The following CHD7 variants were observed in gnomAD, a reference collection of about 807,000 sequenced individuals.
CHD7 encodes the protein chromodomain helicase DNA binding protein 7.
Under a neutral mutation model 307.3 loss-of-function variants are expected in CHD7, and 24 were observed. The observed-to-expected ratio is 0.08, with a 90% CI of 0.06 to 0.11. The LOEUF (loss-of-function observed/expected upper bound fraction) is 0.11, where lower values mean the gene tolerates loss of function less well. CHD7 is among the 10% of genes least tolerant of loss of function. CHD7 has a pLI of 1.00. For synonymous variants in CHD7, 1,363 were observed against 1,349.9 expected (o/e 1.01, Z -0.21); for missense variants, 3,106 against 3,727.1 (o/e 0.83, Z 4.34).
At chr8:60,685,105 G>T (rs942151010) in intron 1 of CHD7, among the ~76,000 whole-genome samples, 4 of 152,206 alleles carry the variant, frequency 2.6e-5, no homozygotes, top group African/African-American at 9.7e-5. Context: ...ATCTGCTGAA[G>T]ATTTGAGAAG....
chr8:60,695,114 A>G (rs1451825917), intron 1 of CHD7, among the ~76,000 whole-genome samples: 1 of 152,176 alleles, frequency 6.6e-6, no homozygotes, highest in Non-Finnish European at 1.5e-5. Flanking sequence ...AGAATAGCTT[A>G]GAAAGCCTCC....
At chr8:60,733,256 T>C (rs1353459099) in intron 1 of CHD7, among the ~76,000 whole-genome samples, 2 of 151,062 alleles carry the variant, frequency 1.3e-5, no homozygotes, top group Non-Finnish European at 3.0e-5. Context: ...AAAAAAGATA[T>C]GGGATAGATA....
At chr8:60,779,084 A>G (rs558774555) in intron 2 of CHD7, among the ~76,000 whole-genome samples, 52 of 152,300 alleles carry the variant, frequency 3.4e-4, no homozygotes, top group African/African-American at 1.2e-3. Flanking sequence ...TCCCTTAGCT[A>G]TGACCAGCAA....
chr8:60,679,322 G>T (rs1321486482), intron 1 of CHD7, among the ~76,000 whole-genome samples: 1 of 146,118 alleles, frequency 6.8e-6, no homozygotes, highest in Non-Finnish European at 1.5e-5. Context: ...CGCCCCGAGC[G>T]CCGCCCGGCG....
intron 1 of CHD7, among the ~76,000 whole-genome samples, chr8:60,714,087 C>A (rs1442875094): frequency 7.0e-6 from 1 of 143,814 alleles, no homozygotes; most frequent in Non-Finnish European, 1.5e-5. Context: ...AGCCAGGCCT[C>A]GGCGGGCGGG....
At chr8:60,793,727 T>G (rs1326501404) in intron 3 of CHD7, among the ~76,000 whole-genome samples, 1 of 152,202 alleles carries the variant, frequency 6.6e-6, no homozygotes, top group Admixed American at 6.5e-5. Flanking sequence ...TTTCACAATT[T>G]ATTGGAATTT....
chr8:60,851,414 T>G lies in CHD7; in HGVS notation c.5665+95T>G, dbSNP rs1007785422. 59 of 865,250 alleles carry G rather than the reference T, an allele frequency of 6.8e-5. 1 individual carries two copies. The African/African-American group carries it at 8.4e-4, about 12-fold the overall frequency. The allele number at this position is 865,250 out of a possible 1,614,324, so 53.6% of individuals were successfully genotyped here. On this transcript the variant is annotated intron_variant, in intron 28 of 37. Coordinates refer to ENST00000423902, the MANE Select transcript of CHD7 (RefSeq NM_017780.4). ...ACTGTCCTGCTTCATGACAGCAGTGTCTTAACACCTTATTTCTTCTACACT... is the reference window on the plus strand; with the variant it reads ...ACTGTCCTGCTTCATGACAGCAGTGGCTTAACACCTTATTTCTTCTACACT...
chr8:60,734,638 G>A (rs916737353), intron 1 of CHD7, among the ~76,000 whole-genome samples: 2 of 152,186 alleles, frequency 1.3e-5, no homozygotes, highest in Non-Finnish European at 2.9e-5. Context: ...GTGTGAAGGC[G>A]AGGAAGGTAT....
chr8:60,762,737 A>G (rs1322233648), intron 2 of CHD7, among the ~76,000 whole-genome samples: 2 of 152,176 alleles, frequency 1.3e-5, no homozygotes, highest in Non-Finnish European at 2.9e-5. Flanking sequence ...GAGTGAGGTC[A>G]GGGTTCCTGT....
At chr8:60,685,374 A>G (rs1244378943) in intron 1 of CHD7, among the ~76,000 whole-genome samples, 1 of 152,236 alleles carries the variant, frequency 6.6e-6, no homozygotes, top group Non-Finnish European at 1.5e-5. Context: ...AGCACTTTGT[A>G]GGAGTTTGCT....
At chr8:60,838,806 G>T (rs1436412299) in intron 19 of CHD7, among the ~76,000 whole-genome samples, 1 of 152,126 alleles carries the variant, frequency 6.6e-6, no homozygotes, top group African/African-American at 2.4e-5. Context: ...TCTGGCCAGG[G>T]TCACCACTGA....
intron 2 of CHD7, among the ~76,000 whole-genome samples, chr8:60,768,462 T>C (rs946670366): frequency 6.6e-6 from 1 of 152,228 alleles, no homozygotes; most frequent in Non-Finnish European, 1.5e-5. Context: ...ACTGGTGTAC[T>C]TGGATGGGGT....
chr8:60,727,513 G>A (rs1053773175), intron 1 of CHD7, among the ~76,000 whole-genome samples: 33 of 152,122 alleles, frequency 2.2e-4, no homozygotes, highest in Admixed American at 3.9e-4. Flanking sequence ...ATGGGCACTT[G>A]TCTTACCTTC....
At chr8:60,796,838 C>T (rs1812059785) in intron 4 of CHD7, among the ~76,000 whole-genome samples, 1 of 152,156 alleles carries the variant, frequency 6.6e-6, no homozygotes, top group African/African-American at 2.4e-5. Flanking sequence ...CTTCCTGTAA[C>T]ACATGCATGA....
At chr8:60,842,099 T>C (rs1293548103) in intron 21 of CHD7, 47 bp downstream of exon 21, 1 of 1,479,730 alleles carries the variant, frequency 6.8e-7, no homozygotes, top group Non-Finnish European at 9.3e-7. Context: ...GTAACAGTAG[T>C]TAGAATTCCC....
At chr8:60,696,058 T>C (rs561809102) in intron 1 of CHD7, among the ~76,000 whole-genome samples, 1 of 152,240 alleles carries the variant, frequency 6.6e-6, no homozygotes, top group African/African-American at 2.4e-5. Context: ...TGGTGAAATT[T>C]ATGCTGTAGT....
intron 1 of CHD7, among the ~76,000 whole-genome samples, chr8:60,687,134 G>A (rs192138504): frequency 1.3e-5 from 2 of 152,156 alleles, no homozygotes; most frequent in East Asian, 3.8e-4. Context: ...ATTAGCAAAT[G>A]TGCATATTAT....
At chr8:60,704,498 GAGAGCTTGGTCTGTACCCCA>G (rs141294661) in intron 1 of CHD7, among the ~76,000 whole-genome samples, 1,852 of 152,078 alleles carry the variant, frequency 0.012, 42 homozygotes, top group African/African-American at 0.042. Context: ...GCTACACTGG[GAGAGCTTGGTCTGTACCCCA>G]AGAGCAATGG....
intron 7 of CHD7, 96 bp from the exon 8 acceptor site, chr8:60,816,291 A>G: frequency 1.4e-6 from 1 of 700,014 alleles, no homozygotes; most frequent in Non-Finnish European, 2.4e-6. Flanking sequence ...TAAGCAGGTT[A>G]TTTTAATTAT....
Sources: gnomAD v4.1 joint callset for allele counts (sites outside exome capture counted in the v4.1 genomes callset) on GRCh38, gnomAD v4.1.1 for gene constraint, MANE v1.5 for transcripts, NCBI Gene and HGNC (gene_info 2026-07-23, HGNC 2026-07-21) for gene names.